SHROOM3: variants seen among roughly 807,000 people sequenced by gnomAD.
SHROOM3 encodes the protein shroom family member 3.
A neutral mutation model predicts 138.6 loss-of-function variants in SHROOM3; 47 were observed. The ratio of observed to expected loss-of-function variants is 0.34; its 90% CI spans 0.27 to 0.43. SHROOM3 has a LOEUF of 0.43. SHROOM3 is among the 20% of genes least tolerant of loss of function. SHROOM3 has a pLI of 1.00. For synonymous variants in SHROOM3, 1,062 were observed against 1,063.3 expected (o/e 1.00, Z 0.02); for missense variants, 2,491 against 2,596.5 (o/e 0.96, Z 0.88).
At position 76,658,473 on chromosome 4, in the gene SHROOM3, G is replaced by A. The variant is rs963737836; in HGVS notation, c.324-51683G>A. Reference sequence around the variant, plus strand: ...AGCAAGACTAAAAATATTTATTTTTGCCTAGTATGTGTCAGATACTCTGTT... The same window carrying A: ...AGCAAGACTAAAAATATTTATTTTTACCTAGTATGTGTCAGATACTCTGTT... On this transcript the variant is annotated intron_variant, in intron 2 of 10. Coordinates refer to ENST00000296043, the MANE Select transcript of SHROOM3 (RefSeq NM_020859.4). Among the ~76,000 whole-genome samples, 9 of 152,082 alleles carry A rather than the reference G, an allele frequency of 5.9e-5. No homozygotes were observed. The South Asian group carries it at 6.2e-4, about 11-fold the overall frequency.
At chr4:76,511,146 C>T (rs919013339) in intron 1 of SHROOM3, among the ~76,000 whole-genome samples, 1 of 151,362 alleles carries the variant, frequency 6.6e-6, no homozygotes, top group Non-Finnish European at 1.5e-5. Flanking sequence ...CACGCCACTG[C>T]ACTCCAGCCT....
At chr4:76,622,501 T>A (rs1029514623) in intron 2 of SHROOM3, among the ~76,000 whole-genome samples, 4 of 152,092 alleles carry the variant, frequency 2.6e-5, no homozygotes, top group African/African-American at 9.7e-5. Flanking sequence ...ACCATAGTAT[T>A]CCTACCAAAG....
At chr4:76,717,513 G>C (rs1396401297) in intron 3 of SHROOM3, among the ~76,000 whole-genome samples, 1 of 151,812 alleles carries the variant, frequency 6.6e-6, no homozygotes, top group Non-Finnish European at 1.5e-5. Flanking sequence ...TCAGTTCTTG[G>C]ATATTCTGTT....
intron 10 of SHROOM3, among the ~76,000 whole-genome samples, chr4:76,776,669 C>A (rs908449707): frequency 3.9e-5 from 6 of 152,136 alleles, no homozygotes; most frequent in African/African-American, 1.4e-4. Flanking sequence ...AAACTAGAAG[C>A]CACTAAGACA....
chr4:76,754,749 G>A lies in SHROOM3; in HGVS notation c.4266G>A (p.Leu1422=), dbSNP rs183439729. 1.3e-4 allele frequency: 206 copies of A among 1,614,200 alleles called. No individual in the cohort carries two copies. The Admixed American group carries it at 3.4e-3, about 27-fold the overall frequency. ...AGGGAACGAGGAAGAGGGTCTCGCT[G>A]CCTCAGTGGCCACCTCCTTCTCGAG... ...VEEGTRKRVS[L]PQWPPPSRAK... The change falls in exon 7 of 11, where the codon CTG becomes CTA. Residue 1422 remains leucine (L), a synonymous_variant. Coordinates refer to ENST00000296043, the MANE Select transcript of SHROOM3 (RefSeq NM_020859.4).
At position 76,754,499 on chromosome 4, in the gene SHROOM3, C is replaced by T. The variant is rs143179860; in HGVS notation, c.4016C>T (p.Thr1339Met). 2.6e-5 allele frequency: 42 copies of T among 1,614,098 alleles called. No homozygotes were observed. The highest frequency in any genetic ancestry group is 1.6e-4 in the Middle Eastern group (1 of 6,062). The part of the protein sequence containing the change: ...TPCPRPPLAG[T>M]QGLVTDTRAA... ...TGCCCCAGGCCACCACTGGCAGGAACGCAAGGGCTGGTCACAGACACCAGG... is the reference window on the plus strand; with the variant it reads ...TGCCCCAGGCCACCACTGGCAGGAATGCAAGGGCTGGTCACAGACACCAGG... Residue 1339 changes from threonine to methionine, a missense_variant, in exon 7 of 11, where the codon ACG becomes ATG. Thr to Met is a moderately conservative substitution (Grantham distance 81). This residue lies in a region of SHROOM3 where 1,733 missense variants were observed against 1,661.6 expected (regional missense o/e 1.04). Transcript: ENST00000296043.
In SHROOM3 at chr4:76,646,690, A is replaced by G. The variant is rs142373189; in HGVS notation, c.324-63466A>G. Among the ~76,000 whole-genome samples the G allele has an allele frequency of 2.4e-4, 36 of 152,318 alleles. No homozygotes were observed. The East Asian group carries it at 6.9e-3, about 29-fold the overall frequency. On this transcript the variant is annotated intron_variant, in intron 2 of 10. Coordinates refer to ENST00000296043, the MANE Select transcript of SHROOM3 (RefSeq NM_020859.4). ...ATCCAATTCTTTAAAAGCAGGGGAA[A>G]TTAAGGAACTTTATTCTGGAAAGTT...
chr4:76,741,465 C>G lies in SHROOM3; in HGVS notation c.3292C>G (p.Pro1098Ala), dbSNP rs1484853272. The change falls in exon 5 of 11, where the codon CCT becomes GCT. Residue 1098 changes from proline (P) to alanine (A), a missense_variant. This residue lies in a region of SHROOM3 where 1,733 missense variants were observed against 1,661.6 expected (regional missense o/e 1.04). Transcript: ENST00000296043. This position sits in a 1 kb window ranked among gnomAD's most constrained non-coding sequence, Gnocchi z 6.2. ...CATCCAGCGCAAGACCGGCAAGCGG[C>G]CTACCTCCGCCGCCGGCTGCAGCCT... ...DYIQRKTGKR[P>A]TSAAGCSLQE... The G allele has an allele frequency of 6.4e-7, 1 of 1,566,558 alleles. No homozygotes were observed. Among genetic ancestry groups the G allele is most frequent in the African/African-American group, 1.4e-5 (1 of 73,926 alleles).
chr4:76,644,519 C>G (rs1560577860), intron 2 of SHROOM3, among the ~76,000 whole-genome samples: 2 of 151,166 alleles, frequency 1.3e-5, no homozygotes, highest in African/African-American at 4.9e-5. Context: ...CCGTAACAAG[C>G]TTTTTAATTT....
At chr4:76,775,797 TAC>T (rs1431871673) in intron 10 of SHROOM3, among the ~76,000 whole-genome samples, 2 of 151,516 alleles carry the variant, frequency 1.3e-5, no homozygotes, top group African/African-American at 4.9e-5. Context: ...CACATATATA[TAC>T]ACACATACTA....
chr4:76,534,869 A>T (rs10010562), intron 1 of SHROOM3, among the ~76,000 whole-genome samples: 2 of 151,838 alleles, frequency 1.3e-5, no homozygotes, highest in African/African-American at 4.8e-5. Context: ...ACATGACACA[A>T]GCTCTGCTGT....
intron 1 of SHROOM3, among the ~76,000 whole-genome samples, chr4:76,465,544 C>T (rs1233852304): frequency 1.3e-5 from 2 of 152,230 alleles, no homozygotes; most frequent in Non-Finnish European, 2.9e-5. Context: ...TTTCCTCAGT[C>T]CTCCTGCCTT....
chr4:76,741,490 T>C lies in SHROOM3; in HGVS notation c.3317T>C (p.Leu1106Pro). Reference sequence around the variant, plus strand: ...CCTACCTCCGCCGCCGGCTGCAGCCTCCAGGAGCCCGGGCCACTGCGTGAG... The same window carrying C: ...CCTACCTCCGCCGCCGGCTGCAGCCCCCAGGAGCCCGGGCCACTGCGTGAG... The part of the protein sequence containing the change: ...KRPTSAAGCS[L>P]QEPGPLRERA... Residue 1106 changes from leucine (L) to proline (P), a missense_variant, in exon 5 of 11, where the codon CTC becomes CCC. Physicochemically the swap from Leu to Pro is moderately conservative, Grantham distance 98. Around this residue, in one of 4 missense-constraint regions of SHROOM3, gnomAD observed 1,733 missense variants for 1,661.6 expected, o/e 1.04. Transcript: ENST00000296043. The surrounding 1 kb of genome is among the most constrained non-coding windows in gnomAD (Gnocchi z 6.2). The C allele has an allele frequency of 6.4e-7, 1 of 1,557,416 alleles. No individual in the cohort carries two copies. Among genetic ancestry groups the C allele is most frequent in the Non-Finnish European group, 8.7e-7 (1 of 1,155,988 alleles).
chr4:76,597,823 GAA>G (rs1394119933), intron 2 of SHROOM3, among the ~76,000 whole-genome samples: 2 of 152,186 alleles, frequency 1.3e-5, no homozygotes, highest in Admixed American at 6.5e-5. Flanking sequence ...GAGTGTGGGA[GAA>G]CCAAAAGGCT....
chr4:76,478,557 C>T (rs186576675), intron 1 of SHROOM3, among the ~76,000 whole-genome samples: 1 of 152,374 alleles, frequency 6.6e-6, no homozygotes, highest in East Asian at 1.9e-4. Context: ...GCAGCTTCAG[C>T]AAGCTTAAAC....
intron 2 of SHROOM3, among the ~76,000 whole-genome samples, chr4:76,568,737 C>G (rs1399764770): frequency 1.3e-5 from 2 of 152,206 alleles, no homozygotes; most frequent in Non-Finnish European, 2.9e-5. Context: ...GGAATAGGTA[C>G]TCTTTGCAGT....
At chr4:76,464,085 C>T (rs1053337866) in intron 1 of SHROOM3, among the ~76,000 whole-genome samples, 3 of 152,216 alleles carry the variant, frequency 2.0e-5, no homozygotes, top group Non-Finnish European at 4.4e-5. Context: ...GGTAGATCCA[C>T]TAACAGCCTG....
At chr4:76,689,599 GA>G in intron 2 of SHROOM3, 1 of 985,132 alleles carries the variant, frequency 1.0e-6, no homozygotes, top group Non-Finnish European at 1.2e-6. Flanking sequence ...CCCCGCCGGC[GA>G]TGCCGCGCGC....
chr4:76,674,127 A>G (rs969149204), intron 2 of SHROOM3, among the ~76,000 whole-genome samples: 1 of 151,804 alleles, frequency 6.6e-6, no homozygotes, highest in African/African-American at 2.4e-5. Flanking sequence ...TCCCACCTCT[A>G]CTTCCCAAAG....
Sources: allele counts gnomAD v4.1 joint callset (sites outside exome capture counted in the v4.1 genomes callset), GRCh38; gene constraint gnomAD v4.1.1; regional missense constraint gnomAD v4.1.1; non-coding constraint Gnocchi (gnomAD v3.1); transcripts MANE v1.5; gene names NCBI Gene and HGNC (gene_info 2026-07-23, HGNC 2026-07-21).